The following MED12L variants were observed in gnomAD, a reference collection of about 807,000 sequenced individuals.
MED12L encodes the protein mediator complex subunit 12L.
Under a neutral mutation model 281.3 loss-of-function variants are expected in MED12L, and 60 were observed. The ratio of observed to expected loss-of-function variants is 0.21; its 90% confidence interval spans 0.17 to 0.26. MED12L has a LOEUF of 0.26. MED12L is among the 10% of genes least tolerant of loss of function. The pLI is 1.00. For missense variants in MED12L, 2,146 were observed against 2,680.9 expected, an observed-to-expected ratio of 0.80 and a Z score of 4.41; for synonymous variants, 974 against 987.2, an observed-to-expected ratio of 0.99 and a Z score of 0.25.
chr3:151,111,867 T>C (rs78304192), intron 2 of MED12L, among the ~76,000 whole-genome samples: 2,526 of 152,196 alleles, frequency 0.017, 43 homozygotes, highest in African/African-American at 0.049. Context: ...TTGTGGCTGC[T>C]ACCATTGAGT....
At chr3:151,266,833 CT>C (rs1739927781) in intron 16 of MED12L, among the ~76,000 whole-genome samples, 1 of 152,172 alleles carries the variant, frequency 6.6e-6, no homozygotes, top group African/African-American at 2.4e-5. Context: ...GAAGGGAAAA[CT>C]TCCTTCTCCT....
At position 151,413,176 on chromosome 3, in the gene MED12L, G is replaced by C. The variant is rs1717148691; in HGVS notation, c.6178G>C (p.Gly2060Arg). 1 of 1,614,062 alleles carries C rather than the reference G, an allele frequency of 6.2e-7. No individual in the cohort carries two copies. Among genetic ancestry groups the C allele is most frequent in the East Asian group, 2.2e-5 (1 of 44,882 alleles). The change falls in exon 42 of 45, where the codon GGC becomes CGC. Residue 2060 changes from glycine (G) to arginine (R), a missense_variant. Gly to Arg is a moderately radical substitution (Grantham distance 125). Transcript: ENST00000687756. ...HQALQQSPLV[G>R]GGIDAVLTSA... ...GGCTCTACAGCAGAGCCCTCTGGTG[G>C]GCGGGGGAATTGATGCTGTGCTGAC...
Position 151,225,009 on chromosome 3 carries a change from A to C in MED12L, c.2250+31343A>C, listed in dbSNP as rs1020357501. Among the ~76,000 whole-genome samples the C allele has an allele frequency of 3.3e-5, 5 of 152,168 alleles. No individual in the cohort carries two copies. In the East Asian group the frequency reaches 9.6e-4, roughly 29 times the overall value. On this transcript the variant is annotated intron_variant, in intron 16 of 44. Transcript: ENST00000687756. ...ATCTTTAAAATATTTTATATTATTT[A>C]CTAGTGTTATTTAATTCTCTCTGTC...
intron 14 of MED12L, 138 bp downstream of exon 14, chr3:151,191,069 T>A: frequency 1.4e-6 from 1 of 693,376 alleles, no homozygotes; most frequent in South Asian, 1.9e-5. Flanking sequence ...TTATCTCTAC[T>A]TCTCGAGCAG....
At chr3:151,351,923 A>T (rs536524991) in intron 17 of MED12L, among the ~76,000 whole-genome samples, 2 of 152,344 alleles carry the variant, frequency 1.3e-5, no homozygotes, top group Middle Eastern at 3.4e-3. Flanking sequence ...CTAGCATATG[A>T]ACTCACAAAG....
At chr3:151,128,078 T>C (rs1317577031) in intron 5 of MED12L, 94 bp downstream of exon 5, 1 of 1,141,616 alleles carries the variant, frequency 8.8e-7, no homozygotes, top group East Asian at 2.4e-5. Flanking sequence ...GCATGGTGAG[T>C]GTTGAGAAGG....
chr3:151,120,307 A>G (rs1025848310), intron 3 of MED12L, among the ~76,000 whole-genome samples: 7 of 152,184 alleles, frequency 4.6e-5, no homozygotes, highest in Non-Finnish European at 7.4e-5. Context: ...ACACAACTCT[A>G]TAAACCTTTT....
chr3:151,374,458 G>A (rs1245831522), intron 27 of MED12L, among the ~76,000 whole-genome samples: 2 of 152,222 alleles, frequency 1.3e-5, no homozygotes, highest in African/African-American at 4.8e-5. Flanking sequence ...TGAGGCATGA[G>A]AATCGCTTGA....
At chr3:151,309,141 G>GCGCA (rs1560011404) in intron 16 of MED12L, among the ~76,000 whole-genome samples, 2 of 147,508 alleles carry the variant, frequency 1.4e-5, no homozygotes, top group African/African-American at 2.5e-5. Context: ...ACACACACAC[G>GCGCA]CACACACACA....
chr3:151,302,385 G>A (rs1746055459), intron 16 of MED12L, among the ~76,000 whole-genome samples: 1 of 152,140 alleles, frequency 6.6e-6, no homozygotes, highest in Admixed American at 6.5e-5. Flanking sequence ...GCTAAATTCT[G>A]GTAACTAAGA....
At chr3:151,344,934 T>C (rs1442769185) in intron 16 of MED12L, among the ~76,000 whole-genome samples, 1 of 152,222 alleles carries the variant, frequency 6.6e-6, no homozygotes, top group Non-Finnish European at 1.5e-5. Flanking sequence ...GCAAAATTTC[T>C]AATCAGTTAT....
intron 43 of MED12L, among the ~76,000 whole-genome samples, chr3:151,426,191 G>A (rs181707712): frequency 6.6e-6 from 1 of 152,136 alleles, no homozygotes; most frequent in Non-Finnish European, 1.5e-5. Flanking sequence ...AACCACTTGG[G>A]GGAGCCATTT....
intron 39 of MED12L, among the ~76,000 whole-genome samples, 198 bp downstream of exon 39, chr3:151,395,065 A>C (rs1458832916): frequency 2.0e-5 from 3 of 152,218 alleles, no homozygotes; most frequent in Non-Finnish European, 4.4e-5. Flanking sequence ...TCAAATAAGA[A>C]TTTGATATGT....
intron 11 of MED12L, among the ~76,000 whole-genome samples, chr3:151,176,044 A>G (rs1722002831): frequency 6.6e-6 from 1 of 152,078 alleles, no homozygotes; most frequent in African/African-American, 2.4e-5. Context: ...ATAATACAGG[A>G]GTACATTCTT....
chr3:151,213,568 T>C lies in MED12L; in HGVS notation c.2250+19902T>C, dbSNP rs776511270. ...CTTTGTGTAGGGGATTCTGGCAATA[T>C]GGTAAGGTACAAAACAGACAAAAAA... On this transcript the variant is annotated intron_variant, in intron 16 of 44. Coordinates refer to ENST00000687756, the MANE Select transcript of MED12L (RefSeq NM_001393769.1). The C allele has an allele frequency of 1.6e-5, 26 of 1,614,178 alleles. No individual in the cohort carries two copies. Among genetic ancestry groups the C allele is most frequent in the Non-Finnish European group, 2.2e-5 (26 of 1,180,026 alleles).
intron 16 of MED12L, chr3:151,326,418 A>G (rs1749601101): frequency 6.6e-6 from 1 of 152,666 alleles, no homozygotes; most frequent in South Asian, 2.1e-4. Flanking sequence ...AGTAATTACA[A>G]TGCAATGTGA....
chr3:151,102,731 G>A (rs192894237), intron 2 of MED12L, among the ~76,000 whole-genome samples: 21 of 152,186 alleles, frequency 1.4e-4, no homozygotes, highest in African/African-American at 4.1e-4. Flanking sequence ...CCTGGGCCTC[G>A]CAAAGTGTTG....
rs747800049 is a variant in MED12L at position 151,384,176 on chromosome 3, A to G, written c.4884A>G (p.Glu1628=). The change falls in exon 35 of 45, where the codon GAA becomes GAG. Residue 1628 remains glutamate (E), a synonymous_variant. Coordinates refer to ENST00000687756, the MANE Select transcript of MED12L (RefSeq NM_001393769.1). ...CAAATGCATCCCCTGGGGGATCTGA[A>G]GAGAACAAGCGTGCATACATGAATT... is the stretch of plus-strand genomic sequence containing the variant. The part of the protein sequence containing the change: ...DLSNASPGGS[E]ENKRAYMNLV... 6.2e-7 allele frequency: 1 copy of G among 1,613,914 alleles called. No homozygotes were observed. Among genetic ancestry groups the G allele is most frequent in the Non-Finnish European group, 8.5e-7 (1 of 1,179,902 alleles).
At chr3:151,286,681 A>G (rs575575693) in intron 16 of MED12L, among the ~76,000 whole-genome samples, 188 of 152,298 alleles carry the variant, frequency 1.2e-3, no homozygotes, top group South Asian at 1.5e-3. Flanking sequence ...CTATCTTAAC[A>G]TAGACATATT....
Sources: allele counts gnomAD v4.1 joint callset (sites outside exome capture counted in the v4.1 genomes callset), GRCh38; gene constraint gnomAD v4.1.1; transcripts MANE v1.5; gene names NCBI Gene and HGNC (gene_info 2026-07-23, HGNC 2026-07-21).